The following CLTCL1 variants were observed in gnomAD, a reference collection of about 807,000 sequenced individuals.
The protein encoded by CLTCL1 is clathrin heavy chain like 1.
A neutral mutation model predicts 190.0 loss-of-function variants in CLTCL1; 159 were observed. The ratio of observed to expected loss-of-function variants is 0.84; its 90% CI spans 0.74 to 0.95. The LOEUF (loss-of-function observed/expected upper bound fraction) is 0.95, where lower values mean the gene tolerates loss of function less well. CLTCL1 is among the 40% of genes least tolerant of loss of function. The pLI, the probability that CLTCL1 is intolerant of heterozygous loss-of-function variation, is 0.00. For missense variants in CLTCL1, 1,878 were observed against 2,033.4 expected, an observed-to-expected ratio of 0.92 and a Z score of 1.47; for synonymous variants, 752 against 769.6, an observed-to-expected ratio of 0.98 and a Z score of 0.38.
At chr22:19,224,125 T>C in intron 13 of CLTCL1, 71 bp from the exon 14 acceptor site, 1 of 1,518,286 alleles carries the variant, frequency 6.6e-7, no homozygotes, top group Non-Finnish European at 9.1e-7. Context: ...GCTGCCCACC[T>C]TCCCTCGATG....
At chr22:19,248,074 A>T (rs2086475800) in intron 3 of CLTCL1, among the ~76,000 whole-genome samples, 1 of 151,588 alleles carries the variant, frequency 6.6e-6, no homozygotes, top group Non-Finnish European at 1.5e-5. Context: ...AGGCAGGCAG[A>T]TCACCTGAGG....
At chr22:19,257,083 G>C (rs1422207870) in intron 2 of CLTCL1, among the ~76,000 whole-genome samples, 1 of 152,120 alleles carries the variant, frequency 6.6e-6, no homozygotes, top group African/African-American at 2.4e-5. Context: ...TATAAAAATA[G>C]AAAAATCCAT....
At chr22:19,215,503 C>T (rs1489828279) in intron 19 of CLTCL1, among the ~76,000 whole-genome samples, 5 of 152,198 alleles carry the variant, frequency 3.3e-5, no homozygotes, top group African/African-American at 4.8e-5. Context: ...AAGAAGCACG[C>T]GCTCCCACCT....
At chr22:19,235,560 G>A (rs2086055500) in intron 6 of CLTCL1, 136 bp downstream of exon 6, 3 of 768,170 alleles carry the variant, frequency 3.9e-6, no homozygotes, top group Admixed American at 2.4e-5. Context: ...ATATGAAGGA[G>A]GAGACATGGG....
intron 21 of CLTCL1, among the ~76,000 whole-genome samples, chr22:19,208,717 A>G (rs1206259950): frequency 1.3e-5 from 2 of 151,876 alleles, no homozygotes; most frequent in Admixed American, 1.3e-4. Flanking sequence ...CTTGTAAAGG[A>G]GGGCAATAGT....
rs782037652 is a variant in CLTCL1, at chr22:19,196,612, G to T, written c.3918C>A (p.Ala1306=). The change falls in exon 25 of 33, where the codon GCC becomes GCA. Residue 1306 remains alanine, a synonymous_variant. Transcript: ENST00000427926. ...FEELILLLEA[A]LGLERAHMGM... is the part of the protein sequence containing the mutation. Reference sequence around the variant, plus strand: ...CCATGTGGGCCCGCTCCAGGCCCAGGGCCGCTTCCAACAGCAAGATCAGCT... The same window carrying T: ...CCATGTGGGCCCGCTCCAGGCCCAGTGCCGCTTCCAACAGCAAGATCAGCT... 3.1e-6 allele frequency: 5 copies of T among 1,613,654 alleles called. No individual in the cohort carries two copies. The East Asian group carries it at 1.1e-4, about 36-fold the overall frequency.
In CLTCL1 at chr22:19,196,368, GA is replaced by G; in HGVS notation, c.4088del (p.Phe1363SerfsTer16). The stretch of plus-strand genomic sequence containing the variant: ...CATACTCCTCGTACTTGTCATAGAG[GA>G]ACACCAGCTCAGCCCACAGGTGTGC... ...EQAHLWAELV[F>X]LYDKYEEYDN... On this transcript the variant is annotated frameshift_variant, in exon 26 of 33. Transcript: ENST00000427926. LOFTEE classifies it high-confidence loss of function. The G allele has an allele frequency of 6.2e-7, 1 of 1,614,032 alleles. No individual in the cohort carries two copies. Among genetic ancestry groups the G allele is most frequent in the South Asian group, 1.1e-5 (1 of 91,080 alleles).
intron 4 of CLTCL1, among the ~76,000 whole-genome samples, chr22:19,240,184 G>A (rs1266154433): frequency 5.9e-5 from 9 of 151,480 alleles, no homozygotes; most frequent in Admixed American, 5.3e-4. Flanking sequence ...TCAAACTCCC[G>A]ACCCCACCTC....
At chr22:19,193,894 G>GTGAGC (rs1407511763) in intron 26 of CLTCL1, among the ~76,000 whole-genome samples, 2 of 152,220 alleles carry the variant, frequency 1.3e-5, no homozygotes, top group Non-Finnish European at 2.9e-5. Flanking sequence ...GACTCAATGA[G>GTGAGC]TGAGCAGCAG....
chr22:19,221,697 T>C, intron 16 of CLTCL1, 86 bp from the exon 17 acceptor site: 1 of 1,235,356 alleles, frequency 8.1e-7, no homozygotes, highest in Non-Finnish European at 1.1e-6. Flanking sequence ...AGATGTTTCC[T>C]GAAACAAAAA....
chr22:19,285,191 C>T (rs531050591), intron 1 of CLTCL1, among the ~76,000 whole-genome samples: 4 of 151,844 alleles, frequency 2.6e-5, no homozygotes, highest in Non-Finnish European at 5.9e-5. Flanking sequence ...AGGAGAATGG[C>T]GTGAACCCTG....
Position 19,191,397 on chromosome 22 carries a change from G to T in CLTCL1, c.4230C>A (p.Phe1410Leu). ...NVELCYRALQ[F>L]YLDYKPLLIN... ...TGAGCAGTGGTTTGTAATCCAAATA[G>T]AACTGCAGGGCTCTGTAACAGAGCT... The change falls in exon 27 of 33, where the codon TTC (phenylalanine) becomes TTA (leucine). Residue 1410 changes from phenylalanine (F) to leucine (L), a missense_variant. Physicochemically the swap from Phe to Leu is conservative, Grantham distance 22. Coordinates refer to ENST00000427926, the MANE Select transcript of CLTCL1 (RefSeq NM_007098.4). 12 of 1,613,986 alleles carry T rather than the reference G, an allele frequency of 7.4e-6. No homozygotes were observed. Among genetic ancestry groups the T allele is most frequent in the Non-Finnish European group, 9.3e-6 (11 of 1,179,888 alleles).
chr22:19,252,831 G>A (rs190372206), intron 3 of CLTCL1, among the ~76,000 whole-genome samples: 1,921 of 152,178 alleles, frequency 0.013, 27 homozygotes, highest in African/African-American at 0.044. Context: ...TGGCTAACAC[G>A]GAGAAACCCC....
chr22:19,192,489 C>T (rs782709137), intron 26 of CLTCL1, among the ~76,000 whole-genome samples: 1 of 152,140 alleles, frequency 6.6e-6, no homozygotes, highest in African/African-American at 2.4e-5. Flanking sequence ...AATGTGTCTG[C>T]GTGAGTGTGG....
intron 22 of CLTCL1, among the ~76,000 whole-genome samples, chr22:19,205,562 A>G (rs936555306): frequency 6.6e-6 from 1 of 152,222 alleles, no homozygotes; most frequent in Non-Finnish European, 1.5e-5. Flanking sequence ...TTTGATTTTT[A>G]TTTGCATAAT....
chr22:19,243,026 C>CA lies in CLTCL1; in HGVS notation c.520-91dup. The CA allele has an allele frequency of 5.5e-6, 7 of 1,273,818 alleles. No individual in the cohort carries two copies. The South Asian group carries it at 1.0e-4, about 19-fold the overall frequency. 78.9% of individuals were successfully genotyped at this position (1,273,818 alleles called of 1,614,324 possible). A position where few individuals can be genotyped will look rare whatever the true frequency, so the allele number is the denominator to read the frequency against. ...AAATATATTTCTAAAATGAAAGTCT[C>CA]ATACATTAGAGGTATACTTCCTCTA... On this transcript the variant is annotated intron_variant, in intron 3 of 32. Coordinates refer to ENST00000427926, the MANE Select transcript of CLTCL1 (RefSeq NM_007098.4).
intron 1 of CLTCL1, among the ~76,000 whole-genome samples, chr22:19,285,033 T>A (rs930407532): frequency 3.3e-5 from 5 of 152,128 alleles, no homozygotes; most frequent in African/African-American, 1.2e-4. Flanking sequence ...CCCAGCACTT[T>A]GGGAGGCCGA....
rs567414686 is a variant in CLTCL1, at chr22:19,179,683, C to T, written c.*307G>A. The stretch of plus-strand genomic sequence containing the variant: ...GTCTCTGTTGTCGGCTAAAGCTGGT[C>T]TTGCGCCGTCAGCCTCTACCCTGGC... On this transcript the variant is annotated 3_prime_UTR_variant, in exon 33 of 33. Transcript: ENST00000427926. The T allele has an allele frequency of 4.6e-4, 75 of 164,292 alleles. No homozygotes were observed. In the South Asian group the frequency reaches 8.5e-3, roughly 19 times the overall value. 10.2% of individuals were successfully genotyped at this position (164,292 alleles called of 1,614,324 possible).
chr22:19,202,484 G>A (rs2084924743), intron 22 of CLTCL1, among the ~76,000 whole-genome samples: 10 of 61,908 alleles, frequency 1.6e-4, no homozygotes, highest in African/African-American at 6.4e-4. Flanking sequence ...TGCCATCCAC[G>A]GTACCTCCCG....
Sources: gnomAD v4.1 joint callset for allele counts (sites outside exome capture counted in the v4.1 genomes callset) on GRCh38, gnomAD v4.1.1 for gene constraint, MANE v1.5 for transcripts, NCBI Gene and HGNC (gene_info 2026-07-23, HGNC 2026-07-21) for gene names.